The following WDSUB1 variants were observed in gnomAD, a reference collection of about 807,000 sequenced individuals.
WDSUB1 encodes the protein WD repeat, SAM and U-box domain-containing protein 1.
In WDSUB1, 49 loss-of-function variants were observed where a neutral mutation model predicts 53.9. The observed-to-expected ratio is 0.91, with a 90% CI of 0.72 to 1.15. WDSUB1 has a LOEUF of 1.15. Ranked by LOEUF, WDSUB1 falls within the 50% of genes most tolerant of loss-of-function variation. WDSUB1 has a pLI of 0.00. For synonymous variants in WDSUB1, 194 were observed against 200.6 expected (o/e 0.97, Z 0.28); for missense variants, 514 against 562.0 (o/e 0.91, Z 0.86).
At chr2:159,254,589 C>T (rs1575451725) in intron 9 of WDSUB1, among the ~76,000 whole-genome samples, 1 of 151,870 alleles carries the variant, frequency 6.6e-6, no homozygotes, top group East Asian at 1.9e-4. Flanking sequence ...CCTTATTTAC[C>T]TAGTTATAAA....
chr2:159,267,099 A>G (rs2061361072), intron 5 of WDSUB1, among the ~76,000 whole-genome samples: 1 of 151,798 alleles, frequency 6.6e-6, no homozygotes, highest in Admixed American at 6.6e-5. Context: ...TTATCTCTAC[A>G]ATCTGTTTTT....
At position 159,235,891 on chromosome 2, in the gene WDSUB1, A is replaced by C; in HGVS notation, c.*142T>G. On this transcript the variant is annotated 3_prime_UTR_variant, in exon 11 of 11. Coordinates refer to ENST00000359774, the MANE Select transcript of WDSUB1 (RefSeq NM_001128212.3). ...AAGTCCATGTGTTTTTTAAAGAATG[A>C]AAATTGACAATTTTTATAGGTAACT... 1.2e-6 allele frequency: 1 copy of C among 833,340 alleles called. No individual in the cohort carries two copies. The highest frequency in any genetic ancestry group is 1.7e-6 in the Non-Finnish European group (1 of 594,796). The allele number at this position is 833,340 out of a possible 1,614,324, so 51.6% of individuals were successfully genotyped here. A position where few individuals can be genotyped will look rare whatever the true frequency, so the allele number is the denominator to read the frequency against.
At chr2:159,285,114 T>G (rs1474959193) in intron 1 of WDSUB1, among the ~76,000 whole-genome samples, 1 of 152,240 alleles carries the variant, frequency 6.6e-6, no homozygotes, top group Non-Finnish European at 1.5e-5. Flanking sequence ...GCCATCTTGC[T>G]CATTTCTGTA....
At chr2:159,246,621 A>G (rs1215530900) in intron 10 of WDSUB1, among the ~76,000 whole-genome samples, 3 of 152,154 alleles carry the variant, frequency 2.0e-5, no homozygotes, top group Non-Finnish European at 2.9e-5. Flanking sequence ...TTATCGTACA[A>G]CCCAGTAATT....
intron 5 of WDSUB1, among the ~76,000 whole-genome samples, chr2:159,260,428 C>T (rs371559871): frequency 2.0e-5 from 3 of 152,106 alleles, no homozygotes; most frequent in East Asian, 1.9e-4. Context: ...AAATAAAACA[C>T]GACTCTATAA....
chr2:159,236,228 A>G (rs577608806), intron 10 of WDSUB1, 38 bp from the exon 11 acceptor site: 2 of 1,575,790 alleles, frequency 1.3e-6, no homozygotes, highest in East Asian at 2.2e-5. Context: ...ATGATGTAGG[A>G]AAGGGAAATG....
intron 5 of WDSUB1, among the ~76,000 whole-genome samples, chr2:159,271,407 A>G (rs1008829609): frequency 1.3e-5 from 2 of 152,224 alleles, no homozygotes; most frequent in African/African-American, 4.8e-5. Context: ...CAATAATATG[A>G]ATTAATGTCA....
rs529665933 is a variant in WDSUB1, at chr2:159,246,520, G to C, written c.1273+1852C>G. Among the ~76,000 whole-genome samples, 15 of 151,970 alleles carry C rather than the reference G, an allele frequency of 9.9e-5. No homozygotes were observed. The South Asian group carries it at 2.7e-3, about 27-fold the overall frequency. On this transcript the variant is annotated intron_variant, in intron 10 of 10. Coordinates refer to ENST00000359774, the MANE Select transcript of WDSUB1 (RefSeq NM_001128212.3). ...AAGACTAGCAATACCAAGTGCTGGA[G>C]AGGATGTGGAGAAACTGGAAGACTC...
chr2:159,250,835 C>G (rs1352048979), intron 9 of WDSUB1, among the ~76,000 whole-genome samples: 1 of 152,054 alleles, frequency 6.6e-6, no homozygotes, highest in African/African-American at 2.4e-5. Context: ...GAAAATCTGT[C>G]GTGACTGGGG....
At chr2:159,272,554 G>C (rs1160158957) in intron 4 of WDSUB1, among the ~76,000 whole-genome samples, 1 of 152,118 alleles carries the variant, frequency 6.6e-6, no homozygotes, top group Non-Finnish European at 1.5e-5. Flanking sequence ...TTAAAAAGCA[G>C]TTCAACAAAG....
chr2:159,236,036 CTT>C lies in WDSUB1; in HGVS notation c.1426_1427del (p.Lys476ValfsTer13), dbSNP rs1288197936. ...AAATAATACAATATCAACAATTTTA[CTT>C]TTGGTGTGTCTCCAGCCATCTATTG... ...AINRWLETHQ[K>X] On this transcript the variant is annotated frameshift_variant, in exon 11 of 11. Coordinates refer to ENST00000359774, the MANE Select transcript of WDSUB1 (RefSeq NM_001128212.3). LOFTEE classifies it high-confidence loss of function. 6.3e-7 allele frequency: 1 copy of C among 1,590,312 alleles called. No homozygotes were observed. Among genetic ancestry groups the C allele is most frequent in the Admixed American group, 1.9e-5 (1 of 53,872 alleles).
At chr2:159,242,327 G>T (rs1255192290) in intron 10 of WDSUB1, among the ~76,000 whole-genome samples, 4 of 146,234 alleles carry the variant, frequency 2.7e-5, no homozygotes, top group Non-Finnish European at 5.9e-5. Flanking sequence ...AAAGTGCTGG[G>T]ATTACAGGCG....
intron 3 of WDSUB1, among the ~76,000 whole-genome samples, chr2:159,276,539 T>A (rs1159907380): frequency 1.3e-5 from 2 of 152,352 alleles, no homozygotes; most frequent in East Asian, 3.9e-4. Flanking sequence ...AGTTATATGG[T>A]GTCCCAGAAG....
intron 2 of WDSUB1, among the ~76,000 whole-genome samples, chr2:159,281,144 A>G (rs2061655401): frequency 6.6e-6 from 1 of 152,246 alleles, no homozygotes; most frequent in Admixed American, 6.5e-5. Flanking sequence ...GGGAGACAGA[A>G]GGAGGGGGAG....
intron 10 of WDSUB1, among the ~76,000 whole-genome samples, chr2:159,240,131 A>G (rs935007653): frequency 1.3e-5 from 2 of 152,216 alleles, no homozygotes; most frequent in African/African-American, 4.8e-5. Flanking sequence ...GGCATTTCAT[A>G]TAATGGGAAT....
At chr2:159,260,204 C>G (rs188801229) in intron 5 of WDSUB1, among the ~76,000 whole-genome samples, 2 of 152,146 alleles carry the variant, frequency 1.3e-5, no homozygotes, top group Non-Finnish European at 2.9e-5. Context: ...CCTTGGTAAG[C>G]TGAGGCAAGA....
intron 4 of WDSUB1, among the ~76,000 whole-genome samples, chr2:159,274,894 T>C (rs2151136755): frequency 1.3e-5 from 2 of 152,116 alleles, no homozygotes; most frequent in South Asian, 4.1e-4. Flanking sequence ...AAGGACACTA[T>C]GAAAAGAAAA....
intron 2 of WDSUB1, among the ~76,000 whole-genome samples, chr2:159,282,080 A>G (rs1037471076): frequency 6.6e-6 from 1 of 151,460 alleles, no homozygotes; most frequent in African/African-American, 2.4e-5. Flanking sequence ...AAAAAAAACC[A>G]TAAAAGTCTA....
At chr2:159,258,884 G>C (rs1054571447) in intron 6 of WDSUB1, among the ~76,000 whole-genome samples, 3 of 152,152 alleles carry the variant, frequency 2.0e-5, no homozygotes, top group Non-Finnish European at 4.4e-5. Flanking sequence ...TCAGTGACTC[G>C]AACTTCTGTG....
Sources: gnomAD v4.1 joint callset for allele counts (sites outside exome capture counted in the v4.1 genomes callset) on GRCh38, gnomAD v4.1.1 for gene constraint, MANE v1.5 for transcripts, NCBI Gene and HGNC (gene_info 2026-07-23, HGNC 2026-07-21) for gene names.